Variants in EEA1 observed in about 807,000 individuals in gnomAD.
EEA1 encodes early endosome antigen 1, 162kD.
Under a neutral mutation model 209.2 loss-of-function variants are expected in EEA1, and 111 were observed. The observed-to-expected ratio is 0.53, with a 90% CI of 0.45 to 0.62. EEA1 has a LOEUF of 0.62. Among genes scored for constraint, EEA1 ranks in the 20% least tolerant of loss-of-function variants. EEA1 has a pLI of 0.00. For missense variants in EEA1, 1,343 were observed against 1,530.8 expected (o/e 0.88, Z 2.05); for synonymous variants, 536 against 540.6 (o/e 0.99, Z 0.12).
At chr12:92,848,751 G>A (rs1262209431) in intron 9 of EEA1, among the ~76,000 whole-genome samples, 411 of 24,082 alleles carry the variant, frequency 0.017, 1 homozygote, top group African/African-American at 0.053. Context: ...TTTTTTTTTT[G>A]AAACAGGGTC....
chr12:92,901,344 G>A (rs1057460090), intron 1 of EEA1, among the ~76,000 whole-genome samples: 3 of 151,770 alleles, frequency 2.0e-5, no homozygotes, highest in African/African-American at 7.3e-5. Flanking sequence ...GAGCCACCAT[G>A]GCCACCTGAA....
intron 12 of EEA1, 114 bp from the exon 13 acceptor site, chr12:92,826,399 T>C: frequency 4.2e-6 from 4 of 959,908 alleles, no homozygotes; most frequent in Non-Finnish European, 3.0e-6. Context: ...TTCAGGAATA[T>C]ATAAGATAAA....
intron 18 of EEA1, 152 bp downstream of exon 18, chr12:92,808,865 A>G: frequency 1.7e-6 from 1 of 594,998 alleles, no homozygotes; most frequent in South Asian, 4.6e-5. Context: ...TTATTTTTTC[A>G]TTCACATTAA....
At chr12:92,858,181 G>C in intron 3 of EEA1, 1 of 673,978 alleles carries the variant, frequency 1.5e-6, no homozygotes. Context: ...GATAAGATCT[G>C]TGACCAGATC....
rs553859483 is a variant in EEA1 at position 92,913,259 on chromosome 12, G to C, written c.24+15784C>G. On this transcript the variant is annotated intron_variant, in intron 1 of 28. Transcript: ENST00000322349. The stretch of plus-strand genomic sequence containing the variant: ...CAGCCATTCTGACTGGTGTAAGATG[G>C]TATCTCAATGCATTTTTAATTTGCA... Among the ~76,000 whole-genome samples, 3 of 152,292 alleles carry C rather than the reference G, an allele frequency of 2.0e-5. No homozygotes were observed. The South Asian group carries it at 6.2e-4, about 32-fold the overall frequency.
chr12:92,860,054 A>T (rs1427109594), intron 3 of EEA1, among the ~76,000 whole-genome samples: 1 of 152,118 alleles, frequency 6.6e-6, no homozygotes, highest in Non-Finnish European at 1.5e-5. Flanking sequence ...ACCAAATCAA[A>T]ATCTCTCCAC....
intron 1 of EEA1, among the ~76,000 whole-genome samples, chr12:92,899,263 A>C (rs986324468): frequency 6.6e-6 from 1 of 152,228 alleles, no homozygotes; most frequent in African/African-American, 2.4e-5. Flanking sequence ...GAGAAGGTTA[A>C]GCCAACTGAA....
intron 2 of EEA1, among the ~76,000 whole-genome samples, chr12:92,866,592 T>C (rs1018132078): frequency 6.6e-6 from 1 of 152,128 alleles, no homozygotes; most frequent in African/African-American, 2.4e-5. Flanking sequence ...GGCTCTCTCA[T>C]TGACCTCCTC....
At chr12:92,878,382 A>G (rs1366077610) in intron 2 of EEA1, among the ~76,000 whole-genome samples, 2 of 152,226 alleles carry the variant, frequency 1.3e-5, no homozygotes, top group Non-Finnish European at 2.9e-5. Context: ...TGGATGAGGA[A>G]AAGGAAGAAT....
At chr12:92,788,178 T>A (rs1277022137) in intron 21 of EEA1, 129 bp from the exon 22 acceptor site, 1 of 584,494 alleles carries the variant, frequency 1.7e-6, no homozygotes, top group African/African-American at 1.9e-5. Context: ...CCCAAATTTC[T>A]ACCTCAATAG....
chr12:92,877,799 G>A (rs1878978779), intron 2 of EEA1, among the ~76,000 whole-genome samples: 1 of 152,162 alleles, frequency 6.6e-6, no homozygotes, highest in Admixed American at 6.5e-5. Flanking sequence ...CACCACGCCT[G>A]GCCTAAGAAA....
chr12:92,907,645 G>A (rs897035598), intron 1 of EEA1, among the ~76,000 whole-genome samples: 1 of 152,112 alleles, frequency 6.6e-6, no homozygotes, highest in African/African-American at 2.4e-5. Context: ...ATTTGTAGTT[G>A]TTTACTAAGA....
At chr12:92,866,995 A>G (rs1878429003) in intron 2 of EEA1, among the ~76,000 whole-genome samples, 1 of 152,178 alleles carries the variant, frequency 6.6e-6, no homozygotes, top group Non-Finnish European at 1.5e-5. Context: ...CACACTCTGC[A>G]ATAACATTAG....
chr12:92,803,415 T>G (rs1357208053), intron 18 of EEA1, among the ~76,000 whole-genome samples: 2 of 152,036 alleles, frequency 1.3e-5, no homozygotes, highest in African/African-American at 2.4e-5. Context: ...ACTTTTATTG[T>G]TTTCATAAAA....
chr12:92,798,472 C>A (rs1418490678), intron 21 of EEA1, among the ~76,000 whole-genome samples: 1 of 151,960 alleles, frequency 6.6e-6, no homozygotes. Context: ...CAGGAATGCA[C>A]CACCACGCCC....
intron 9 of EEA1, among the ~76,000 whole-genome samples, chr12:92,850,275 G>T (rs532347067): frequency 6.6e-6 from 1 of 152,150 alleles, no homozygotes; most frequent in African/African-American, 2.4e-5. Context: ...TATGCACACC[G>T]TACACCACCT....
intron 3 of EEA1, 53 bp downstream of exon 3, chr12:92,864,807 C>T (rs1296969891): frequency 1.5e-5 from 22 of 1,424,680 alleles, no homozygotes; most frequent in East Asian, 7.9e-5. Context: ...GATTAAACGA[C>T]GATACCACAT....
At chr12:92,889,308 G>A (rs1442099563) in intron 2 of EEA1, among the ~76,000 whole-genome samples, 1 of 151,846 alleles carries the variant, frequency 6.6e-6, no homozygotes, top group Non-Finnish European at 1.5e-5. Flanking sequence ...CAGCTAGAGA[G>A]GTAAGAAAAA....
chr12:92,876,952 T>G (rs554111050), intron 2 of EEA1, among the ~76,000 whole-genome samples: 88 of 150,044 alleles, frequency 5.9e-4, no homozygotes, highest in African/African-American at 9.4e-4. Flanking sequence ...TGTTTTTTTT[T>G]TTTGTTTTTG....
Sources: allele counts gnomAD v4.1 joint callset (sites outside exome capture counted in the v4.1 genomes callset), GRCh38; gene constraint gnomAD v4.1.1; transcripts MANE v1.5; gene names NCBI Gene and HGNC (gene_info 2026-07-23, HGNC 2026-07-21).